BBS9: variants seen among roughly 807,000 people sequenced by gnomAD.
BBS9 encodes the protein protein PTHB1.
In BBS9, 89 loss-of-function variants were observed where a neutral mutation model predicts 117.7. The observed-to-expected ratio is 0.76, with a 90% CI of 0.64 to 0.90. BBS9 has a LOEUF of 0.90. BBS9 is among the 40% of genes least tolerant of loss of function. BBS9 has a pLI of 0.00. For synonymous variants in BBS9, 379 were observed against 370.9 expected (o/e 1.02, Z -0.25); for missense variants, 982 against 1,042.2 (o/e 0.94, Z 0.80).
chr7:33,315,722 T>A (rs1183304844), intron 9 of BBS9, among the ~76,000 whole-genome samples: 2 of 152,186 alleles, frequency 1.3e-5, no homozygotes, highest in African/African-American at 2.4e-5. Flanking sequence ...ATTTTATGTA[T>A]CATCTTTCTA....
At chr7:33,235,381 T>G (rs537341108) in intron 5 of BBS9, among the ~76,000 whole-genome samples, 3 of 152,232 alleles carry the variant, frequency 2.0e-5, no homozygotes, top group Admixed American at 2.0e-4. Context: ...AATGTTTTAC[T>G]AGGGAATTTA....
intron 21 of BBS9, among the ~76,000 whole-genome samples, chr7:33,583,853 G>A (rs1860433260): frequency 6.6e-6 from 1 of 152,064 alleles, no homozygotes; most frequent in Non-Finnish European, 1.5e-5. Context: ...CATCTGTAAA[G>A]GGGAGATTAT....
intron 19 of BBS9, among the ~76,000 whole-genome samples, chr7:33,407,528 A>G (rs557705603): frequency 7.2e-5 from 11 of 152,136 alleles, no homozygotes; most frequent in African/African-American, 2.4e-4. Context: ...TAGAGTTTCC[A>G]GTTTTTCTGC....
At position 33,403,987 on chromosome 7, in the gene BBS9, G is replaced by A. The variant is rs562079522; in HGVS notation, c.2115+15843G>A. On this transcript the variant is annotated intron_variant, in intron 19 of 22. Transcript: ENST00000242067. ...TCCTCTCCAGCACCTGTTGTTTCCT[G>A]ACTTTTTAATGATTGCCATTCTAAC... Among the ~76,000 whole-genome samples, 438 of 152,216 alleles carry A rather than the reference G, an allele frequency of 2.9e-3. 1 individual carries two copies. Among genetic ancestry groups the A allele is most frequent in the African/African-American group, 9.9e-3 (412 of 41,546 alleles).
At chr7:33,355,127 GCTGTT>G (rs1045196953) in intron 15 of BBS9, among the ~76,000 whole-genome samples, 2 of 152,006 alleles carry the variant, frequency 1.3e-5, no homozygotes, top group African/African-American at 4.8e-5. Context: ...TAAGTTGAAA[GCTGTT>G]CTGCTAGCAA....
chr7:33,264,470 AT>A (rs1326320493), intron 7 of BBS9, 96 bp downstream of exon 7: 4 of 754,244 alleles, frequency 5.3e-6, no homozygotes, highest in African/African-American at 1.8e-5. Context: ...ATGTAAAAAA[AT>A]ATGTCAGCCA....
At chr7:33,596,108 C>T (rs1478193533) in intron 21 of BBS9, among the ~76,000 whole-genome samples, 1 of 151,760 alleles carries the variant, frequency 6.6e-6, no homozygotes, top group Non-Finnish European at 1.5e-5. Context: ...TTGATAGGTG[C>T]AGCAAACCAC....
intron 19 of BBS9, among the ~76,000 whole-genome samples, chr7:33,467,733 T>C (rs1484680893): frequency 1.3e-5 from 2 of 152,180 alleles, no homozygotes; most frequent in Admixed American, 6.5e-5. Flanking sequence ...TAGATATTTC[T>C]TGTACTGAAA....
intron 1 of BBS9, among the ~76,000 whole-genome samples, chr7:33,142,424 CTG>C (rs1314010077): frequency 6.6e-6 from 1 of 152,122 alleles, no homozygotes; most frequent in Non-Finnish European, 1.5e-5. Context: ...AAAACTAAAA[CTG>C]TATATTTTTT....
At position 33,451,876 on chromosome 7, in the gene BBS9, C is replaced by G. The variant is rs148937539; in HGVS notation, c.2116-53587C>G. ...TGAAACAGAGTCTTGCTCTGTCACC[C>G]AGGCTGGAGTGCAGTTGTGTGGTCT... On this transcript the variant is annotated intron_variant, in intron 19 of 22. Transcript: ENST00000242067. 9.4e-3 allele frequency among the ~76,000 whole-genome samples: 1,437 copies of G among 152,244 alleles called. 11 individuals are homozygous for G. Among genetic ancestry groups the G allele is most frequent in the Admixed American group, 0.014 (221 of 15,286 alleles).
chr7:33,519,267 C>T (rs1563292417), intron 20 of BBS9, among the ~76,000 whole-genome samples: 2 of 152,086 alleles, frequency 1.3e-5, no homozygotes, highest in African/African-American at 4.8e-5. Context: ...CTTCTCTTGT[C>T]CTAGGTGGCA....
At chr7:33,475,368 C>G (rs911187881) in intron 19 of BBS9, among the ~76,000 whole-genome samples, 2 of 152,258 alleles carry the variant, frequency 1.3e-5, no homozygotes, top group Non-Finnish European at 1.5e-5. Context: ...CAACTGGGGA[C>G]TTGTTAAAAT....
At chr7:33,405,620 G>T (rs1370475291) in intron 19 of BBS9, among the ~76,000 whole-genome samples, 1 of 152,184 alleles carries the variant, frequency 6.6e-6, no homozygotes, top group Non-Finnish European at 1.5e-5. Context: ...AGATTTTCTA[G>T]TTTATTTGCG....
chr7:33,263,567 AT>A (rs1798318249), intron 6 of BBS9, among the ~76,000 whole-genome samples: 2 of 152,162 alleles, frequency 1.3e-5, no homozygotes, highest in Admixed American at 6.5e-5. Flanking sequence ...AAATGCCACT[AT>A]TGAAATAGAA....
At chr7:33,314,145 G>C (rs1198484633) in intron 9 of BBS9, 5 of 217,202 alleles carry the variant, frequency 2.3e-5, no homozygotes, top group Non-Finnish European at 4.7e-5. Context: ...CTTATTTCCA[G>C]GAAGGGGTTA....
At chr7:33,168,371 G>A (rs1043927195) in intron 4 of BBS9, among the ~76,000 whole-genome samples, 4 of 152,116 alleles carry the variant, frequency 2.6e-5, no homozygotes, top group South Asian at 4.1e-4. Flanking sequence ...CTTTGATAGA[G>A]GAGACTCAGT....
chr7:33,163,902 A>T (rs1795254612), intron 4 of BBS9, among the ~76,000 whole-genome samples: 1 of 151,818 alleles, frequency 6.6e-6, no homozygotes, highest in South Asian at 2.1e-4. Context: ...TTGCTTCTCT[A>T]GTTCTTTTAA....
At chr7:33,593,174 T>A (rs541451011) in intron 21 of BBS9, among the ~76,000 whole-genome samples, 15 of 152,108 alleles carry the variant, frequency 9.9e-5, no homozygotes, top group Non-Finnish European at 2.2e-4. Context: ...CATTGTACTG[T>A]ATAGTGAAGA....
chr7:33,236,174 A>T (rs954481538), intron 5 of BBS9, among the ~76,000 whole-genome samples: 15 of 151,990 alleles, frequency 9.9e-5, no homozygotes, highest in African/African-American at 3.6e-4. Flanking sequence ...TAAAAATACA[A>T]AATTAGCTGG....
Sources: gnomAD v4.1 joint callset for allele counts (sites outside exome capture counted in the v4.1 genomes callset) on GRCh38, gnomAD v4.1.1 for gene constraint, MANE v1.5 for transcripts, NCBI Gene and HGNC (gene_info 2026-07-23, HGNC 2026-07-21) for gene names.